Variants in LRIG1 observed in about 807,000 individuals in gnomAD.
LRIG1 encodes leucine-rich repeats and immunoglobulin-like domains protein 1.
In LRIG1, 48 loss-of-function variants were observed where a neutral mutation model predicts 99.2. The observed-to-expected ratio is 0.48, with a 90% CI of 0.38 to 0.62. The LOEUF is 0.62. LRIG1 is among the 20% of genes least tolerant of loss of function. The pLI is 0.00. For synonymous variants in LRIG1, 772 were observed against 596.1 expected, an observed-to-expected ratio of 1.29 and a Z score of -4.30; for missense variants, 1,646 against 1,434.4, an observed-to-expected ratio of 1.15 and a Z score of -2.38.
At chr3:66,496,930 A>T (rs1423326686) in intron 1 of LRIG1, among the ~76,000 whole-genome samples, 7 of 152,238 alleles carry the variant, frequency 4.6e-5, no homozygotes, top group Admixed American at 4.6e-4. Context: ...CCACAATGGC[A>T]ACCACAGTTG....
intron 3 of LRIG1, among the ~76,000 whole-genome samples, chr3:66,433,758 C>T (rs571634128): frequency 6.6e-6 from 1 of 152,322 alleles, no homozygotes; most frequent in Non-Finnish European, 1.5e-5. Context: ...AGCCCTTCCT[C>T]ACCCACCCCA....
intron 1 of LRIG1, among the ~76,000 whole-genome samples, chr3:66,479,207 C>T (rs80197425): frequency 0.02 from 3,070 of 152,362 alleles, 72 homozygotes; most frequent in East Asian, 0.048. Context: ...AAAGGCAGAC[C>T]TGCCTCGGAA....
intron 3 of LRIG1, among the ~76,000 whole-genome samples, chr3:66,426,474 A>G (rs1455272060): frequency 6.6e-6 from 1 of 152,190 alleles, no homozygotes; most frequent in Admixed American, 6.5e-5. Flanking sequence ...AACCATGTAT[A>G]AATCACTCTT....
chr3:66,403,738 A>T (rs1311607645), intron 9 of LRIG1, among the ~76,000 whole-genome samples: 1 of 152,198 alleles, frequency 6.6e-6, no homozygotes, highest in African/African-American at 2.4e-5. Flanking sequence ...GGAAGCCATG[A>T]CACCCAGGAA....
rs574182216 is a variant in LRIG1, at chr3:66,410,012, G to A, written c.935+117C>T. 5.9e-5 allele frequency: 65 copies of A among 1,095,062 alleles called. No individual in the cohort carries two copies. The African/African-American group carries it at 9.1e-4, about 15-fold the overall frequency. 67.8% of individuals were successfully genotyped at this position (1,095,062 alleles called of 1,614,324 possible). Reference sequence around the variant, plus strand: ...TGGCTGGTTTGGGAACAGGGCTACTGGCCTGTCTCTGAGCCCTCCCCGAGG... The same window carrying A: ...TGGCTGGTTTGGGAACAGGGCTACTAGCCTGTCTCTGAGCCCTCCCCGAGG... On this transcript the variant is annotated intron_variant, in intron 7 of 18. Transcript: ENST00000273261.
At chr3:66,395,692 G>A (rs1438925720) in intron 11 of LRIG1, among the ~76,000 whole-genome samples, 1 of 152,226 alleles carries the variant, frequency 6.6e-6, no homozygotes, top group Non-Finnish European at 1.5e-5. Context: ...ACTGCAGGTG[G>A]CGGAAGGGCT....
At chr3:66,429,585 C>T (rs1703088881) in intron 3 of LRIG1, among the ~76,000 whole-genome samples, 2 of 152,112 alleles carry the variant, frequency 1.3e-5, no homozygotes, top group African/African-American at 4.8e-5. Flanking sequence ...TGAGCAGGTT[C>T]AGCACAGGAG....
chr3:66,406,550 A>C, intron 8 of LRIG1: 1 of 363,356 alleles, frequency 2.8e-6, no homozygotes, highest in Non-Finnish European at 3.8e-6. Flanking sequence ...ACTGGAACAG[A>C]TCCCTCTCTG....
At chr3:66,486,241 A>AT (rs1348611118) in intron 1 of LRIG1, among the ~76,000 whole-genome samples, 1 of 151,946 alleles carries the variant, frequency 6.6e-6, no homozygotes, top group Non-Finnish European at 1.5e-5. Context: ...TAAATATTTC[A>AT]TTTTTTTCCT....
intron 5 of LRIG1, 124 bp downstream of exon 5, chr3:66,414,796 A>C: frequency 1.0e-6 from 1 of 971,414 alleles, no homozygotes; most frequent in Non-Finnish European, 1.4e-6. Flanking sequence ...CATTAATGGT[A>C]ATTTATGGAG....
At chr3:66,396,182 A>T (rs9833246) in intron 11 of LRIG1, among the ~76,000 whole-genome samples, 6,392 of 152,242 alleles carry the variant, frequency 0.042, 446 homozygotes, top group African/African-American at 0.14. Context: ...GACAGTGGGT[A>T]CTCAGGGTGG....
At chr3:66,404,965 C>T (rs1481218556) in intron 9 of LRIG1, among the ~76,000 whole-genome samples, 2 of 152,182 alleles carry the variant, frequency 1.3e-5, no homozygotes, top group African/African-American at 4.8e-5. Context: ...CCGCCAAACG[C>T]CGGGTTGCCA....
At position 66,427,416 on chromosome 3, in the gene LRIG1, G is replaced by A. The variant is rs1703019866; in HGVS notation, c.366-10150C>T. ...TAGTACAGGGCACACCAGCCCTGAT[G>A]CCTACCTAAGGAGGTGTACTTTATG... On this transcript the variant is annotated intron_variant, in intron 3 of 18. Coordinates refer to ENST00000273261, the MANE Select transcript of LRIG1 (RefSeq NM_015541.3). Among the ~76,000 whole-genome samples the A allele has an allele frequency of 4.6e-5, 7 of 152,242 alleles. No individual in the cohort carries two copies. In the South Asian group the frequency reaches 1.4e-3, roughly 32 times the overall value.
chr3:66,495,997 A>G (rs1701218475), intron 1 of LRIG1, among the ~76,000 whole-genome samples: 1 of 152,348 alleles, frequency 6.6e-6, no homozygotes, highest in Non-Finnish European at 1.5e-5. Flanking sequence ...GAGGGAGGAA[A>G]GCTTTCAGCT....
chr3:66,459,621 C>A (rs1232006438), intron 2 of LRIG1, among the ~76,000 whole-genome samples: 1 of 152,192 alleles, frequency 6.6e-6, no homozygotes, highest in Non-Finnish European at 1.5e-5. Flanking sequence ...TTCCCCCATA[C>A]CACTTATCTC....
intron 1 of LRIG1, among the ~76,000 whole-genome samples, chr3:66,477,497 T>C (rs1700749143): frequency 6.6e-6 from 1 of 152,092 alleles, no homozygotes. Flanking sequence ...AAATGGACAA[T>C]CCCCAAAGAT....
At position 66,394,041 on chromosome 3, in the gene LRIG1, G is replaced by A. The variant is rs35367093; in HGVS notation, c.1467C>T (p.Cys489=). 1.4e-4 allele frequency: 223 copies of A among 1,613,876 alleles called. No individual in the cohort carries two copies. The African/African-American group carries it at 2.5e-3, about 18-fold the overall frequency. Reference sequence around the variant, plus strand: ...AAAAAGTTACAAAGACAGTCTTACCGCACACGAAACTCTCTGGTGGCACAG... The same window carrying A: ...AAAAAGTTACAAAGACAGTCTTACCACACACGAAACTCTCTGGTGGCACAG... ...IFSVPPESFV[C]DDFLKPQIIT... Residue 489 remains cysteine, a splice_region_variant and synonymous_variant, in exon 12 of 19, where the codon TGC becomes TGT. Transcript: ENST00000273261.
chr3:66,458,994 A>G (rs1433071696), intron 2 of LRIG1, among the ~76,000 whole-genome samples: 1 of 148,736 alleles, frequency 6.7e-6, no homozygotes, highest in Non-Finnish European at 1.5e-5. Context: ...AGCCTGGGAG[A>G]TAAGAGCGAA....
At chr3:66,453,554 C>T (rs986941860) in intron 2 of LRIG1, among the ~76,000 whole-genome samples, 1 of 152,174 alleles carries the variant, frequency 6.6e-6, no homozygotes, top group Non-Finnish European at 1.5e-5. Flanking sequence ...CGACATGCCT[C>T]GTGCACTTTC....
Sources: allele counts gnomAD v4.1 joint callset (sites outside exome capture counted in the v4.1 genomes callset), GRCh38; gene constraint gnomAD v4.1.1; transcripts MANE v1.5; gene names NCBI Gene and HGNC (gene_info 2026-07-23, HGNC 2026-07-21).